The following KLHL2 variants were observed in gnomAD, a reference collection of about 807,000 sequenced individuals.
KLHL2 encodes kelch like family member 2, also known as kelch-like protein 2.
In KLHL2, 15 loss-of-function variants were observed where a neutral mutation model predicts 75.8. The observed-to-expected ratio is 0.20, with a 90% confidence interval of 0.13 to 0.30. KLHL2 has a LOEUF of 0.30. Ranked by LOEUF, KLHL2 falls within the 10% of genes least tolerant of loss-of-function variation. The probability of loss-of-function intolerance (pLI) is 1.00; values close to 1 mark genes in which losing one functional copy is unlikely to be tolerated. For missense variants in KLHL2, 381 were observed against 741.0 expected (o/e 0.51, Z 5.64); for synonymous variants, 214 against 251.9 (o/e 0.85, Z 1.42).
At chr4:165,245,236 G>A (rs1740169492) in intron 4 of KLHL2, among the ~76,000 whole-genome samples, 1 of 152,064 alleles carries the variant, frequency 6.6e-6, no homozygotes, top group Non-Finnish European at 1.5e-5. Context: ...AAAACTGAGG[G>A]TAGCATGCAG....
chr4:165,218,795 A>T (rs1256390454), intron 1 of KLHL2, among the ~76,000 whole-genome samples: 3 of 152,276 alleles, frequency 2.0e-5, no homozygotes, highest in Non-Finnish European at 4.4e-5. Flanking sequence ...GGGTCAGGAA[A>T]GGAAGAGAAG....
chr4:165,270,547 CTGTT>C (rs1441392077), intron 5 of KLHL2, among the ~76,000 whole-genome samples: 1 of 152,120 alleles, frequency 6.6e-6, no homozygotes, highest in Non-Finnish European at 1.5e-5. Flanking sequence ...CCATTCCTTT[CTGTT>C]TGTTAGTTTT....
At chr4:165,318,744 C>T (rs934035124) in intron 14 of KLHL2, among the ~76,000 whole-genome samples, 1 of 152,102 alleles carries the variant, frequency 6.6e-6, no homozygotes, top group African/African-American at 2.4e-5. Flanking sequence ...CAGGTTTGAA[C>T]TGTGTATGTC....
intron 5 of KLHL2, among the ~76,000 whole-genome samples, chr4:165,272,727 GATC>G (rs1742795902): frequency 6.6e-6 from 1 of 151,788 alleles, no homozygotes; most frequent in South Asian, 2.1e-4. Flanking sequence ...GTTTTTAGGA[GATC>G]ATTAGATTTT....
rs1003711270 is a variant in KLHL2 at position 165,207,720 on chromosome 4, G to T, written c.-157G>T. 1.5e-5 allele frequency: 5 copies of T among 339,220 alleles called. No homozygotes were observed. Among genetic ancestry groups the T allele is most frequent in the Admixed American group, 1.1e-4 (2 of 17,578 alleles). The allele number at this position is 339,220 out of a possible 1,614,324, so 21.0% of individuals were successfully genotyped here. A position where few individuals can be genotyped will look rare whatever the true frequency, so the allele number is the denominator to read the frequency against. The stretch of plus-strand genomic sequence containing the variant: ...CGAGCGGGCCATGGCCGCGGGGGCC[G>T]CCGCCGCAGGTGGTGGCGCGCGGTG... On this transcript the variant is annotated 5_prime_UTR_variant, in exon 1 of 15. Transcript: ENST00000226725. This position sits in a 1 kb window ranked among gnomAD's most constrained non-coding sequence, Gnocchi z 4.2.
intron 5 of KLHL2, among the ~76,000 whole-genome samples, chr4:165,277,512 G>A (rs1304532115): frequency 1.3e-5 from 2 of 152,194 alleles, no homozygotes; most frequent in Non-Finnish European, 2.9e-5. Flanking sequence ...TGGGGTATCT[G>A]TTAAAAGCGA....
At chr4:165,209,947 C>G (rs1197141513) in intron 1 of KLHL2, 2 of 1,382,046 alleles carry the variant, frequency 1.4e-6, no homozygotes, top group Non-Finnish European at 1.9e-6. Context: ...TAACATCCCT[C>G]CACCATGGAT....
At chr4:165,259,220 A>G (rs1024348053) in intron 4 of KLHL2, among the ~76,000 whole-genome samples, 1 of 151,768 alleles carries the variant, frequency 6.6e-6, no homozygotes, top group African/African-American at 2.4e-5. Context: ...CTCCTTCCTC[A>G]GCCTCTCAAG....
intron 3 of KLHL2, among the ~76,000 whole-genome samples, chr4:165,234,077 A>G (rs1739131465): frequency 6.6e-6 from 1 of 152,138 alleles, no homozygotes; most frequent in Admixed American, 6.5e-5. Flanking sequence ...GAGCTAAGAA[A>G]CCTTTCTCAG....
At chr4:165,216,906 C>T (rs534479767) in intron 1 of KLHL2, among the ~76,000 whole-genome samples, 6 of 152,172 alleles carry the variant, frequency 3.9e-5, no homozygotes, top group Non-Finnish European at 7.4e-5. Flanking sequence ...TTCTGTAGTA[C>T]ATCAGAAAAA....
At chr4:165,291,687 G>C (rs1355640497) in intron 5 of KLHL2, among the ~76,000 whole-genome samples, 1 of 152,134 alleles carries the variant, frequency 6.6e-6, no homozygotes, top group Non-Finnish European at 1.5e-5. Context: ...TCGACCTACA[G>C]TCATCCCTTG....
At chr4:165,303,717 C>T (rs1487862469) in intron 8 of KLHL2, among the ~76,000 whole-genome samples, 2 of 152,134 alleles carry the variant, frequency 1.3e-5, no homozygotes, top group Non-Finnish European at 2.9e-5. Context: ...CACGCACTAT[C>T]ATGCCTGGCT....
chr4:165,220,565 TGTTAAA>T (rs1012077966), intron 2 of KLHL2, among the ~76,000 whole-genome samples: 50 of 152,266 alleles, frequency 3.3e-4, no homozygotes, highest in African/African-American at 1.2e-3. Context: ...ATTTTCTTTC[TGTTAAA>T]GTTAAAAATA....
intron 5 of KLHL2, among the ~76,000 whole-genome samples, chr4:165,282,173 C>T (rs1256073545): frequency 3.9e-5 from 6 of 152,164 alleles, no homozygotes; most frequent in African/African-American, 9.7e-5. Flanking sequence ...GTAGAGGAAA[C>T]AGATTAAACT....
chr4:165,296,053 A>G (rs1744882001), intron 6 of KLHL2, among the ~76,000 whole-genome samples: 2 of 152,222 alleles, frequency 1.3e-5, no homozygotes, highest in East Asian at 1.9e-4. Context: ...TAACAATTCT[A>G]TGGTCAGAAT....
At chr4:165,224,235 A>T (rs1426829861) in intron 2 of KLHL2, among the ~76,000 whole-genome samples, 1 of 152,220 alleles carries the variant, frequency 6.6e-6, no homozygotes, top group Non-Finnish European at 1.5e-5. Context: ...ATTAAAAAAA[A>T]AAAAACCTAC....
chr4:165,262,800 A>C (rs1741801278), intron 4 of KLHL2, among the ~76,000 whole-genome samples: 1 of 152,120 alleles, frequency 6.6e-6, no homozygotes, highest in African/African-American at 2.4e-5. Flanking sequence ...CCTGGTCTCA[A>C]ACTTCTGAAC....
intron 3 of KLHL2, among the ~76,000 whole-genome samples, chr4:165,236,299 A>G (rs947378055): frequency 2.0e-5 from 3 of 152,238 alleles, no homozygotes; most frequent in African/African-American, 4.8e-5. Context: ...CATAAACAAT[A>G]AACTATAATC....
intron 5 of KLHL2, chr4:165,279,733 A>C (rs1264821304): frequency 1.9e-6 from 2 of 1,054,526 alleles, no homozygotes; most frequent in Admixed American, 1.7e-5. Flanking sequence ...GAGTCCAAAG[A>C]GCGAGGCCGC....
Sources: allele counts gnomAD v4.1 joint callset (sites outside exome capture counted in the v4.1 genomes callset), GRCh38; gene constraint gnomAD v4.1.1; non-coding constraint Gnocchi (gnomAD v3.1); transcripts MANE v1.5; gene names NCBI Gene and HGNC (gene_info 2026-07-23, HGNC 2026-07-21).